Variants in SYT2 observed in about 807,000 individuals in gnomAD.
SYT2 encodes the protein synaptotagmin 2.
Under a neutral mutation model 39.9 loss-of-function variants are expected in SYT2, and 15 were observed. That is an observed-to-expected ratio of 0.38 (90% CI 0.25 to 0.58). SYT2 has a LOEUF of 0.58. Among genes scored for constraint, SYT2 ranks in the 20% least tolerant of loss-of-function variants. SYT2 has a pLI of 0.70. For synonymous variants in SYT2, 181 were observed against 204.5 expected (o/e 0.89, Z 0.98); for missense variants, 389 against 530.3 (o/e 0.73, Z 2.62).
At chr1:202,693,357 C>T (rs1032927213) in intron 1 of SYT2, among the ~76,000 whole-genome samples, 5 of 152,124 alleles carry the variant, frequency 3.3e-5, no homozygotes, top group African/African-American at 9.7e-5. Flanking sequence ...CCCTTCAAGA[C>T]CATGGGGAAG....
Position 202,689,651 on chromosome 1 carries a change from G to T in SYT2, c.-18+20607C>A, listed in dbSNP as rs112646942. ...CTACAGAGTTATTTTGAGTGTCCAG[G>T]GGGCAGGGAACACTGTGGGGGAGCA... On this transcript the variant is annotated intron_variant, in intron 1 of 8. Coordinates refer to ENST00000367268, the MANE Select transcript of SYT2 (RefSeq NM_177402.5). Among the ~76,000 whole-genome samples the T allele has an allele frequency of 8.9e-3, 1,350 of 152,130 alleles. 17 individuals carry two copies. The highest frequency in any genetic ancestry group is 0.031 in the African/African-American group (1,292 of 41,482).
intron 1 of SYT2, among the ~76,000 whole-genome samples, chr1:202,686,119 C>T (rs1053336624): frequency 5.3e-5 from 8 of 152,158 alleles, no homozygotes; most frequent in Non-Finnish European, 8.8e-5. Context: ...GGAGATGTGG[C>T]CTGGCGGGAG....
Position 202,602,540 on chromosome 1 carries a change from A to C in SYT2, c.471T>G (p.Thr157=). The C allele has an allele frequency of 6.2e-7, 1 of 1,612,390 alleles. No homozygotes were observed. The highest frequency in any genetic ancestry group is 8.5e-7 in the Non-Finnish European group (1 of 1,179,468). ...GTTCAGCAGCCTGCAGAACGCCCAC[A>C]GTAAGCTGTGGAGAGAGATGGGGAG... ...LDYDFQANQL[T]VGVLQAAELP... is the part of the protein sequence containing the mutation. Residue 157 remains threonine, a synonymous_variant, in exon 5 of 9, where the codon ACT becomes ACG. Transcript: ENST00000367268.
At chr1:202,629,855 G>A (rs1273161591) in intron 1 of SYT2, among the ~76,000 whole-genome samples, 4 of 112,176 alleles carry the variant, frequency 3.6e-5, no homozygotes, top group African/African-American at 1.3e-4. Context: ...GCCATACCCA[G>A]CAGGCAGCTG....
At chr1:202,692,610 T>C (rs1003044420) in intron 1 of SYT2, among the ~76,000 whole-genome samples, 1 of 152,246 alleles carries the variant, frequency 6.6e-6, no homozygotes, top group South Asian at 2.1e-4. Flanking sequence ...AGGCTCAGAG[T>C]GTGATTGAGC....
intron 1 of SYT2, among the ~76,000 whole-genome samples, chr1:202,646,595 T>C (rs573235156): frequency 1.3e-5 from 2 of 152,318 alleles, no homozygotes; most frequent in African/African-American, 2.4e-5. Context: ...TACAGGCAAA[T>C]TGCATAACTT....
intron 3 of SYT2, 24 bp from the exon 4 acceptor site, chr1:202,603,142 G>A (rs750275508): frequency 3.7e-6 from 6 of 1,613,584 alleles, no homozygotes; most frequent in Non-Finnish European, 5.1e-6. Context: ...GGGAGAGAGG[G>A]AACAAGTTAA....
chr1:202,642,930 G>C (rs1349023666), intron 1 of SYT2, among the ~76,000 whole-genome samples: 1 of 152,230 alleles, frequency 6.6e-6, no homozygotes, highest in Non-Finnish European at 1.5e-5. Context: ...AAGGCACCGC[G>C]GCTTCTCTCG....
In SYT2 at chr1:202,598,951, A is replaced by T. The variant is rs1690396949; in HGVS notation, c.1053+267T>A. ...TGGCACCTTTGCTATACCCCCATACATCTGTGTGCATGACCATGGTCCTTC... is the reference window on the plus strand; with the variant it reads ...TGGCACCTTTGCTATACCCCCATACTTCTGTGTGCATGACCATGGTCCTTC... On this transcript the variant is annotated intron_variant, in intron 8 of 8. Coordinates refer to ENST00000367268, the MANE Select transcript of SYT2 (RefSeq NM_177402.5). Among the ~76,000 whole-genome samples, 3 of 152,110 alleles carry T rather than the reference A, an allele frequency of 2.0e-5. No homozygotes were observed. The South Asian group carries it at 6.2e-4, about 32-fold the overall frequency.
At position 202,628,827 on chromosome 1, in the gene SYT2, G is replaced by C. The variant is rs1360381271; in HGVS notation, c.-17-23038C>G. Among the ~76,000 whole-genome samples the C allele has an allele frequency of 6.6e-6, 1 of 152,258 alleles. No homozygotes were observed. Among genetic ancestry groups the C allele is most frequent in the African/African-American group, 2.4e-5 (1 of 41,464 alleles). ...AGTGAAACACCAGGTGCTGCCAAGT[G>C]GGGTGAATGAGCACCTGGGCTCTGG... On this transcript the variant is annotated intron_variant, in intron 1 of 8. Transcript: ENST00000367268. The surrounding 1 kb of genome is among the most constrained non-coding windows in gnomAD (Gnocchi z 4.2).
In SYT2 at chr1:202,593,289, C is replaced by T. The variant is rs1690187538; in HGVS notation, c.*3468G>A. On this transcript the variant is annotated 3_prime_UTR_variant, in exon 9 of 9. Transcript: ENST00000367268. ...TAAGGGAACATGGAAGCTCTCACTC[C>T]CCAAACCCAGGGAGGTTCCTCAACC... The T allele has an allele frequency of 6.6e-6, 1 of 152,130 alleles. No individual in the cohort carries two copies. The highest frequency in any genetic ancestry group is 1.5e-5 in the Non-Finnish European group (1 of 68,032). The allele number at this position is 152,130 out of a possible 1,614,324, so 9.4% of individuals were successfully genotyped here.
chr1:202,626,874 A>G (rs568663228), intron 1 of SYT2, among the ~76,000 whole-genome samples: 1 of 152,288 alleles, frequency 6.6e-6, no homozygotes, highest in African/African-American at 2.4e-5. Context: ...CTACAAACCG[A>G]GGATCAGGTG....
chr1:202,654,596 G>A (rs776750952), intron 1 of SYT2, among the ~76,000 whole-genome samples: 4 of 152,174 alleles, frequency 2.6e-5, no homozygotes, highest in Non-Finnish European at 4.4e-5. Flanking sequence ...GCCCTCATGG[G>A]GAGTTCATCC....
At chr1:202,685,904 T>C (rs1653653516) in intron 1 of SYT2, among the ~76,000 whole-genome samples, 1 of 152,020 alleles carries the variant, frequency 6.6e-6, no homozygotes, top group South Asian at 2.1e-4. Flanking sequence ...TCTCAGAGGC[T>C]CTGGGGCATG....
At chr1:202,643,808 A>G (rs1228391867) in intron 1 of SYT2, among the ~76,000 whole-genome samples, 5 of 151,978 alleles carry the variant, frequency 3.3e-5, no homozygotes, top group African/African-American at 7.2e-5. Context: ...CCGGAGCCCT[A>G]CGGGACTCCC....
rs1558443878 is a variant in SYT2 at position 202,640,776 on chromosome 1, GAGA to G, written c.-17-34990_-17-34988del. The stretch of plus-strand genomic sequence containing the variant: ...AGAGAGAGAGAGAGAGAGAGAGAGA[GAGA>G]GAGAGAGAGAGAGACAGACAGACAG... On this transcript the variant is annotated intron_variant, in intron 1 of 8. Coordinates refer to ENST00000367268, the MANE Select transcript of SYT2 (RefSeq NM_177402.5). 8.9e-4 allele frequency among the ~76,000 whole-genome samples: 127 copies of G among 141,912 alleles called. 1 individual carries two copies. Among genetic ancestry groups the G allele is most frequent in the Non-Finnish European group, 1.6e-3 (104 of 65,846 alleles). 93.1% of individuals were successfully genotyped at this position (141,912 alleles called of 152,430 possible).
At chr1:202,662,514 G>A (rs1692400794) in intron 1 of SYT2, among the ~76,000 whole-genome samples, 1 of 152,216 alleles carries the variant, frequency 6.6e-6, no homozygotes, top group African/African-American at 2.4e-5. Context: ...TACTGGCAGG[G>A]CCAAGTGCTA....
intron 1 of SYT2, among the ~76,000 whole-genome samples, chr1:202,670,948 A>G (rs6692288): frequency 0.56 from 85,565 of 152,146 alleles, 25,446 homozygotes; most frequent in East Asian, 0.79. Flanking sequence ...TCCCAAGGCC[A>G]CCCAGTGATC....
intron 1 of SYT2, among the ~76,000 whole-genome samples, chr1:202,643,666 A>G (rs1196626680): frequency 1.3e-5 from 2 of 152,172 alleles, no homozygotes; most frequent in African/African-American, 2.4e-5. Context: ...TCCAGTCCGG[A>G]CTGCCAGCGG....
Sources: gnomAD v4.1 joint callset for allele counts (sites outside exome capture counted in the v4.1 genomes callset) on GRCh38, gnomAD v4.1.1 for gene constraint, Gnocchi (gnomAD v3.1) non-coding constraint, MANE v1.5 for transcripts, NCBI Gene and HGNC (gene_info 2026-07-23, HGNC 2026-07-21) for gene names.